ZNF384: variants seen among roughly 807,000 people sequenced by gnomAD.
ZNF384 encodes zinc finger protein 384.
Under a neutral mutation model 65.0 loss-of-function variants are expected in ZNF384, and 20 were observed. That is an observed-to-expected ratio of 0.31 (90% CI 0.22 to 0.45). ZNF384 has a LOEUF of 0.45. Ranked by LOEUF, ZNF384 falls within the 20% of genes least tolerant of loss-of-function variation. The pLI is 1.00. For missense variants in ZNF384, 549 were observed against 769.4 expected (o/e 0.71, Z 3.39); for synonymous variants, 310 against 303.9 (o/e 1.02, Z -0.21).
Position 6,673,549 on chromosome 12 carries a change from C to A in ZNF384, c.780-109G>T. 1 of 852,260 alleles carries A rather than the reference C, an allele frequency of 1.2e-6. No homozygotes were observed. The highest frequency in any genetic ancestry group is 1.8e-6 in the Non-Finnish European group (1 of 542,932). The allele number at this position is 852,260 out of a possible 1,614,324, so 52.8% of individuals were successfully genotyped here. A position where few individuals can be genotyped will look rare whatever the true frequency, so the allele number is the denominator to read the frequency against. On this transcript the variant is annotated intron_variant, in intron 7 of 11. Transcript: ENST00000683879. This position sits in a 1 kb window ranked among gnomAD's most constrained non-coding sequence, Gnocchi z 4.7. ...CACCTATCTGAGGTCTCTCCTACTC[C>A]AACTTGAGAGTAGAGCTCTATATAT...
At chr12:6,686,383 A>G (rs977066072) in intron 2 of ZNF384, among the ~76,000 whole-genome samples, 3 of 152,168 alleles carry the variant, frequency 2.0e-5, no homozygotes, top group Non-Finnish European at 2.9e-5. Context: ...CCTCCCAAGT[A>G]GCTGGGATTA....
In ZNF384 at chr12:6,673,102, C is replaced by T. The variant is rs141256401; in HGVS notation, c.1004+114G>A. On this transcript the variant is annotated intron_variant, in intron 8 of 11. Transcript: ENST00000683879. This position sits in a 1 kb window ranked among gnomAD's most constrained non-coding sequence, Gnocchi z 4.7. ...GACAGTAATAGGAGGTTGAGGCTAC[C>T]AATGGGCAAAGGTGAAAGGGAAAGA... 1,247 of 977,486 alleles carry T rather than the reference C, an allele frequency of 1.3e-3. 1 individual carries two copies. Among genetic ancestry groups the T allele is most frequent in the Admixed American group, 2.2e-3 (86 of 39,160 alleles). 60.6% of individuals were successfully genotyped at this position (977,486 alleles called of 1,614,324 possible).
chr12:6,672,274 T>G lies in ZNF384; in HGVS notation c.1187+76A>C, dbSNP rs1490352849. Reference sequence around the variant, plus strand: ...TCTCCCCCGCCCCCCGCATGCGGGTTGTTGTGTGTGTCCGGGGCGGGGGTG... The same window carrying G: ...TCTCCCCCGCCCCCCGCATGCGGGTGGTTGTGTGTGTCCGGGGCGGGGGTG... On this transcript the variant is annotated intron_variant, in intron 9 of 11. Coordinates refer to ENST00000683879, the MANE Select transcript of ZNF384 (RefSeq NM_001385745.1). The surrounding 1 kb of genome is among the most constrained non-coding windows in gnomAD (Gnocchi z 4.4). The G allele has an allele frequency of 3.2e-5, 46 of 1,447,558 alleles. No homozygotes were observed. The highest frequency in any genetic ancestry group is 5.2e-5 in the South Asian group (4 of 76,532). 89.7% of individuals were successfully genotyped at this position (1,447,558 alleles called of 1,614,324 possible).
In ZNF384 at chr12:6,670,767, T is replaced by C; in HGVS notation, c.1259A>G (p.Asn420Ser). The C allele has an allele frequency of 6.2e-7, 1 of 1,613,990 alleles. No individual in the cohort carries two copies. Among genetic ancestry groups the C allele is most frequent in the Admixed American group, 1.7e-5 (1 of 60,014 alleles). ...GGAGGGTGGAACATTTACCTGCAGA[T>C]TGGAGAGTTGTGTGAAGGCTTTCTC... Reference protein sequence around the residue: ...GCEKAFTQLSNLQSHRRQHNK... With the variant: ...GCEKAFTQLSSLQSHRRQHNK... The change falls in exon 10 of 12, where the codon AAT becomes AGT. Residue 420 changes from asparagine (N) to serine (S), a missense_variant. Physicochemically the swap from Asn to Ser is conservative, Grantham distance 46. This residue lies in a region of ZNF384 where 38 missense variants were observed against 99.7 expected (regional missense o/e 0.38). Transcript: ENST00000683879.
At position 6,679,035 on chromosome 12, in the gene ZNF384, T is replaced by C. The variant is rs1470119754; in HGVS notation, c.215A>G (p.Lys72Arg). ...PSGISMDTES[K>R]SDQLTPHSQA... is the part of the protein sequence containing the mutation. ...GCTGTGTGGGGTCAGCTGGTCTGAC[T>C]TGGACTCTGTGTCCATACTGATGCC... The change falls in exon 4 of 12, where the codon AAG (lysine) becomes AGG (arginine). Residue 72 changes from lysine to arginine, a missense_variant. Physicochemically the swap from Lys to Arg is conservative, Grantham distance 26 (BLOSUM62 2). Coordinates refer to ENST00000683879, the MANE Select transcript of ZNF384 (RefSeq NM_001385745.1). 3.1e-6 allele frequency: 5 copies of C among 1,614,092 alleles called. No homozygotes were observed. Among genetic ancestry groups the C allele is most frequent in the Non-Finnish European group, 4.2e-6 (5 of 1,180,016 alleles).
At chr12:6,670,738 G>T in intron 10 of ZNF384, 22 bp downstream of exon 10, 1 of 1,610,894 alleles carries the variant, frequency 6.2e-7, no homozygotes, top group Non-Finnish European at 8.5e-7. Context: ...TCAAGGTCTT[G>T]TGTGGAGGGT....
At chr12:6,688,687 T>A (rs953317564) in intron 1 of ZNF384, 1 of 152,846 alleles carries the variant, frequency 6.5e-6, no homozygotes, top group East Asian at 1.9e-4. Context: ...CTTCGAGGAC[T>A]TCGCCCCCTG....
intron 2 of ZNF384, 90 bp from the exon 3 acceptor site, chr12:6,679,615 T>C (rs1157951539): frequency 8.1e-6 from 8 of 990,358 alleles, no homozygotes; most frequent in Non-Finnish European, 1.2e-5. Context: ...GTTCCTGGTC[T>C]CCTCTGGCAC....
rs543354084 is a variant in ZNF384, at chr12:6,680,638, A to G, written c.-5-1113T>C. On this transcript the variant is annotated intron_variant, in intron 2 of 11. Transcript: ENST00000683879. Reference sequence around the variant, plus strand: ...CTCTAGCCTGCGGAACAAGAGCAAAATTCCGTCTCAAAAAAAAAAAAAAAA... The same window carrying G: ...CTCTAGCCTGCGGAACAAGAGCAAAGTTCCGTCTCAAAAAAAAAAAAAAAA... Among the ~76,000 whole-genome samples the G allele has an allele frequency of 3.3e-5, 5 of 150,448 alleles. No homozygotes were observed. In the South Asian group the frequency reaches 1.0e-3, roughly 32 times the overall value.
At chr12:6,685,776 CAAAAAA>C (rs778337408) in intron 2 of ZNF384, among the ~76,000 whole-genome samples, 1 of 43,230 alleles carries the variant, frequency 2.3e-5, no homozygotes, top group East Asian at 7.2e-4. Context: ...GACTCAGTCT[CAAAAAA>C]AAAAAAAAAA....
At chr12:6,685,459 C>T (rs577360717) in intron 2 of ZNF384, among the ~76,000 whole-genome samples, 113 of 152,102 alleles carry the variant, frequency 7.4e-4, no homozygotes, top group Non-Finnish European at 1.3e-3. Flanking sequence ...CACCAAGCCT[C>T]AACTGTTCTG....
At chr12:6,682,848 TG>T (rs1956541862) in intron 2 of ZNF384, among the ~76,000 whole-genome samples, 1 of 152,232 alleles carries the variant, frequency 6.6e-6, no homozygotes, top group African/African-American at 2.4e-5. Context: ...TTTAATGAAT[TG>T]AACAACGGTA....
At chr12:6,687,332 G>C (rs192926735) in intron 2 of ZNF384, among the ~76,000 whole-genome samples, 1 of 152,132 alleles carries the variant, frequency 6.6e-6, no homozygotes, top group Non-Finnish European at 1.5e-5. Context: ...GCATCCTGTG[G>C]GAGGGACGGC....
In ZNF384 at chr12:6,677,241, G is replaced by A. The variant is rs1565433668; in HGVS notation, c.705C>T (p.Gly235=). The A allele has an allele frequency of 7.6e-7, 1 of 1,312,772 alleles. No homozygotes were observed. Among genetic ancestry groups the A allele is most frequent in the Non-Finnish European group, 1.0e-6 (1 of 1,002,178 alleles). 81.3% of individuals were successfully genotyped at this position (1,312,772 alleles called of 1,614,324 possible). A position where few individuals can be genotyped will look rare whatever the true frequency, so the allele number is the denominator to read the frequency against. Residue 235 remains glycine (G), a synonymous_variant, in exon 7 of 12, where the codon GGC becomes GGT. Coordinates refer to ENST00000683879, the MANE Select transcript of ZNF384 (RefSeq NM_001385745.1). ...GCCCAAGGCTCTGTCCATTTCCTGTGCCGCAGTTCCCTTCGCTCCTAAAAT... is the reference window on the plus strand; with the variant it reads ...GCCCAAGGCTCTGTCCATTTCCTGTACCGCAGTTCCCTTCGCTCCTAAAAT... ...GKTYRSEGNC[G]TGNGQSLGLM...
rs1949962746 is a variant in ZNF384 at position 6,667,125 on chromosome 12, C to T, written c.*589G>A. 4.1e-6 allele frequency: 1 copy of T among 243,712 alleles called. No homozygotes were observed. The highest frequency in any genetic ancestry group is 8.1e-6 in the Non-Finnish European group (1 of 122,942). 15.1% of individuals were successfully genotyped at this position (243,712 alleles called of 1,614,324 possible). A position where few individuals can be genotyped will look rare whatever the true frequency, so the allele number is the denominator to read the frequency against. On this transcript the variant is annotated 3_prime_UTR_variant, in exon 12 of 12. Transcript: ENST00000683879. ...CTTGGGGACCACATCTCAGCCCTTG[C>T]CCCCTTCAAATAAAAGGAGGTCTAG...
Position 6,667,858 on chromosome 12 carries a change from A to G in ZNF384, c.1683T>C (p.Gly561=), listed in dbSNP as rs1201139936. The change falls in exon 12 of 12, where the codon GGT becomes GGC. Residue 561 remains glycine (G), a synonymous_variant. Coordinates refer to ENST00000683879, the MANE Select transcript of ZNF384 (RefSeq NM_001385745.1). Reference sequence around the variant, plus strand: ...TGGGATTGCTGTCCCCACCACCCCCACCCTGGGGGGCTGCCCCAGGAGACT... The same window carrying G: ...TGGGATTGCTGTCCCCACCACCCCCGCCCTGGGGGGCTGCCCCAGGAGACT... ...HFQSPGAAPQ[G]GGGGDSNPNP... The G allele has an allele frequency of 1.2e-6, 2 of 1,614,074 alleles. No homozygotes were observed. Among genetic ancestry groups the G allele is most frequent in the Non-Finnish European group, 1.7e-6 (2 of 1,179,990 alleles).
Position 6,678,722 on chromosome 12 carries a change from G to A in ZNF384, c.305-12C>T. ...AGAACAGGAGACTCCTTGATTCAGA[G>A]AAGGAAAGAATGTCACCTCCTCAAA... On this transcript the variant is annotated splice_polypyrimidine_tract_variant and intron_variant, in intron 4 of 11. Coordinates refer to ENST00000683879, the MANE Select transcript of ZNF384 (RefSeq NM_001385745.1). The surrounding 1 kb of genome is among the most constrained non-coding windows in gnomAD (Gnocchi z 4.9). 3 of 1,613,912 alleles carry A rather than the reference G, an allele frequency of 1.9e-6. No individual in the cohort carries two copies. The highest frequency in any genetic ancestry group is 1.7e-6 in the Non-Finnish European group (2 of 1,179,902).
At chr12:6,680,316 G>T (rs1444888859) in intron 2 of ZNF384, among the ~76,000 whole-genome samples, 1 of 152,052 alleles carries the variant, frequency 6.6e-6, no homozygotes, top group Admixed American at 6.5e-5. Context: ...TGTGTAGTTT[G>T]AGAAGGTTCC....
At chr12:6,668,166 A>G in intron 11 of ZNF384, 51 bp from the exon 12 acceptor site, 1 of 1,504,458 alleles carries the variant, frequency 6.6e-7, no homozygotes, top group Non-Finnish European at 9.0e-7. Flanking sequence ...AGGAAAAGAG[A>G]TTACTTGTAA....
Sources: allele counts gnomAD v4.1 joint callset (sites outside exome capture counted in the v4.1 genomes callset), GRCh38; gene constraint gnomAD v4.1.1; regional missense constraint gnomAD v4.1.1; non-coding constraint Gnocchi (gnomAD v3.1); transcripts MANE v1.5; gene names NCBI Gene and HGNC (gene_info 2026-07-23, HGNC 2026-07-21).